Variants in EPHA4 observed in about 807,000 individuals in gnomAD.
EPHA4 encodes the protein EPH receptor A4.
Under a neutral mutation model 108.3 loss-of-function variants are expected in EPHA4, and 19 were observed. The ratio of observed to expected loss-of-function variants is 0.18; its 90% CI spans 0.12 to 0.26. EPHA4 has a LOEUF of 0.26. EPHA4 is among the 10% of genes least tolerant of loss of function. The pLI is 1.00. For synonymous variants in EPHA4, 449 were observed against 455.5 expected (o/e 0.99, Z 0.18); for missense variants, 917 against 1,254.0 (o/e 0.73, Z 4.06).
intron 5 of EPHA4, among the ~76,000 whole-genome samples, chr2:221,480,602 C>A (rs1369477973): frequency 6.6e-6 from 1 of 152,174 alleles, no homozygotes. Flanking sequence ...CTAAATCATA[C>A]TAGTCTTTGT....
intron 2 of EPHA4, among the ~76,000 whole-genome samples, chr2:221,566,981 A>AGAG (rs1694683855): frequency 5.5e-5 from 7 of 128,376 alleles, no homozygotes; most frequent in African/African-American, 1.8e-4. Context: ...AAGAAGAAGA[A>AGAG]GAAGAAGAAG....
chr2:221,561,489 TG>T (rs1162036646), intron 3 of EPHA4, among the ~76,000 whole-genome samples: 1 of 152,080 alleles, frequency 6.6e-6, no homozygotes, highest in African/African-American at 2.4e-5. Flanking sequence ...CTGAAAACAC[TG>T]AAGTTTCTCA....
intron 3 of EPHA4, among the ~76,000 whole-genome samples, chr2:221,553,792 AGTCT>A (rs926282335): frequency 1.2e-4 from 18 of 152,350 alleles, no homozygotes; most frequent in South Asian, 4.1e-4. Flanking sequence ...GAAGCGCATT[AGTCT>A]GTCTAACATC....
intron 3 of EPHA4, among the ~76,000 whole-genome samples, chr2:221,538,058 C>A (rs545553767): frequency 9.8e-6 from 1 of 101,824 alleles, no homozygotes; most frequent in Admixed American, 9.1e-5. Flanking sequence ...AGTATACTGC[C>A]CAGCAAAACT....
intron 5 of EPHA4, among the ~76,000 whole-genome samples, chr2:221,470,334 C>CGG (rs556418980): frequency 1.0e-4 from 12 of 117,822 alleles, no homozygotes; most frequent in African/African-American, 3.6e-4. Context: ...AGAGAAAGGG[C>CGG]GGGGGGGAGA....
chr2:221,478,631 T>C (rs577756566), intron 5 of EPHA4, among the ~76,000 whole-genome samples: 1 of 152,292 alleles, frequency 6.6e-6, no homozygotes, highest in South Asian at 2.1e-4. Context: ...CCTTCATTGT[T>C]TCTGGCATGG....
Position 221,489,247 on chromosome 2 carries a change from C to T in EPHA4, c.980-6557G>A, listed in dbSNP as rs552500406. The stretch of plus-strand genomic sequence containing the variant: ...AGATGAAAACCTGCTATGATAATTG[C>T]GTTTTGAAATGGGTTTGGCAGAAAT... On this transcript the variant is annotated intron_variant, in intron 4 of 17. Transcript: ENST00000281821. Among the ~76,000 whole-genome samples, 9 of 152,276 alleles carry T rather than the reference C, an allele frequency of 5.9e-5. No homozygotes were observed. In the South Asian group the frequency reaches 8.3e-4, roughly 14 times the overall value.
At chr2:221,486,559 C>G (rs891194479) in intron 4 of EPHA4, among the ~76,000 whole-genome samples, 3 of 151,756 alleles carry the variant, frequency 2.0e-5, no homozygotes, top group Non-Finnish European at 4.4e-5. Flanking sequence ...AAACCCCCGT[C>G]TCTACTAAAA....
At chr2:221,426,175 A>T (rs1689902568) in intron 16 of EPHA4, 33 bp from the exon 17 acceptor site, 1 of 1,577,086 alleles carries the variant, frequency 6.3e-7, no homozygotes, top group Non-Finnish European at 8.7e-7. Context: ...GGGACAGAAG[A>T]AGTCACAGGG....
intron 4 of EPHA4, among the ~76,000 whole-genome samples, chr2:221,487,686 A>G: frequency 6.6e-6 from 1 of 152,174 alleles, no homozygotes; most frequent in East Asian, 1.9e-4. Flanking sequence ...TTTTAATGGC[A>G]ACTACTTTTG....
At position 221,564,084 on chromosome 2, in the gene EPHA4, A is replaced by C; in HGVS notation, c.470T>G (p.Val157Gly). The C allele has an allele frequency of 6.2e-7, 1 of 1,613,992 alleles. No individual in the cohort carries two copies. Among genetic ancestry groups the C allele is most frequent in the Non-Finnish European group, 8.5e-7 (1 of 1,179,982 alleles). Reference protein sequence around the residue: ...TIAADESFTQVDIGDRIMKLN... With the variant: ...TIAADESFTQGDIGDRIMKLN... The stretch of plus-strand genomic sequence containing the variant: ...CTTCATGATTCTGTCACCAATGTCC[A>C]CTTGGGTGAAGCTCTCATCAGCAGC... The change falls in exon 3 of 18, where the codon GTG becomes GGG. Residue 157 changes from valine (V) to glycine (G), a missense_variant. Transcript: ENST00000281821.
intron 5 of EPHA4, among the ~76,000 whole-genome samples, chr2:221,463,615 T>G (rs1207269345): frequency 6.6e-6 from 1 of 152,190 alleles, no homozygotes; most frequent in Admixed American, 6.5e-5. Flanking sequence ...GTGGCTCCCT[T>G]TAAGAAAATG....
chr2:221,486,667 G>A (rs1425954962), intron 4 of EPHA4, among the ~76,000 whole-genome samples: 2 of 151,600 alleles, frequency 1.3e-5, no homozygotes, highest in African/African-American at 4.8e-5. Context: ...CTGGGAGGCG[G>A]AGGTTGCAGT....
At chr2:221,482,042 C>T (rs1446036252) in intron 5 of EPHA4, among the ~76,000 whole-genome samples, 3 of 152,088 alleles carry the variant, frequency 2.0e-5, no homozygotes, top group Non-Finnish European at 4.4e-5. Context: ...GTAGCTGGGA[C>T]TACAGGTTTG....
chr2:221,570,222 T>G (rs1574669345), intron 1 of EPHA4, among the ~76,000 whole-genome samples: 5 of 140,702 alleles, frequency 3.6e-5, no homozygotes, highest in Non-Finnish European at 3.1e-5. Flanking sequence ...AAGGGGGAGG[T>G]GGGGGAGGGG....
intron 2 of EPHA4, among the ~76,000 whole-genome samples, chr2:221,566,317 T>A (rs1466501002): frequency 2.0e-5 from 3 of 151,574 alleles, no homozygotes; most frequent in Admixed American, 1.3e-4. Flanking sequence ...AATAAAGACA[T>A]TAAATGTCCT....
intron 6 of EPHA4, 54 bp downstream of exon 6, chr2:221,457,812 A>AGAAGGAAG (rs879197221): frequency 3.2e-6 from 5 of 1,585,602 alleles, no homozygotes; most frequent in South Asian, 2.3e-5. Flanking sequence ...AAGAAAACAA[A>AGAAGGAAG]GAAGGAAGGA....
chr2:221,504,522 CCTA>C (rs910530010), intron 3 of EPHA4, among the ~76,000 whole-genome samples: 1 of 135,536 alleles, frequency 7.4e-6, no homozygotes, highest in Non-Finnish European at 1.5e-5. Context: ...GCTGATTACA[CCTA>C]CTATTTGAAA....
At chr2:221,454,369 G>A (rs1480905553) in intron 8 of EPHA4, among the ~76,000 whole-genome samples, 1 of 152,134 alleles carries the variant, frequency 6.6e-6, no homozygotes, top group East Asian at 1.9e-4. Context: ...TAGGCAGAGA[G>A]GGACAATGCA....
Sources: gnomAD v4.1 joint callset for allele counts (sites outside exome capture counted in the v4.1 genomes callset) on GRCh38, gnomAD v4.1.1 for gene constraint, MANE v1.5 for transcripts, NCBI Gene and HGNC (gene_info 2026-07-23, HGNC 2026-07-21) for gene names.